KAT6B: variants seen among roughly 807,000 people sequenced by gnomAD.
The protein encoded by KAT6B is lysine acetyltransferase 6B.
In KAT6B, 10 loss-of-function variants were observed where a neutral mutation model predicts 187.5. That is an observed-to-expected ratio of 0.05 (90% confidence interval 0.03 to 0.09). The LOEUF (loss-of-function observed/expected upper bound fraction) is 0.09. KAT6B is among the 10% of genes least tolerant of loss of function. KAT6B has a pLI of 1.00. For missense variants in KAT6B, 1,952 were observed against 2,558.9 expected, an observed-to-expected ratio of 0.76 and a Z score of 5.12; for synonymous variants, 861 against 926.8, an observed-to-expected ratio of 0.93 and a Z score of 1.29.
intron 3 of KAT6B, among the ~76,000 whole-genome samples, chr10:74,916,414 C>T (rs754609877): frequency 2.0e-5 from 3 of 152,188 alleles, no homozygotes; most frequent in East Asian, 1.9e-4. Flanking sequence ...TATTCTGTAG[C>T]ATAATACAGT....
At chr10:74,831,748 T>A (rs1259724893) in intron 1 of KAT6B, among the ~76,000 whole-genome samples, 1 of 152,224 alleles carries the variant, frequency 6.6e-6, no homozygotes, top group Non-Finnish European at 1.5e-5. Flanking sequence ...TCCTTGCTGC[T>A]TTCATATTTG....
At chr10:75,021,363 C>T (rs188097109) in intron 15 of KAT6B, 78 bp downstream of exon 15, 29 of 1,483,030 alleles carry the variant, frequency 2.0e-5, no homozygotes, top group Admixed American at 1.5e-4. Context: ...TCATTAAGAT[C>T]GTTGTCAAAA....
In KAT6B at chr10:74,843,222, A is replaced by G. The variant is rs1287506606; in HGVS notation, c.365A>G (p.Asn122Ser). 5 of 1,614,144 alleles carry G rather than the reference A, an allele frequency of 3.1e-6. No homozygotes were observed. Among genetic ancestry groups the G allele is most frequent in the Admixed American group, 3.3e-5 (2 of 60,020 alleles). ...RRAIEGLEEP[N>S]GSSLKNIEKY... Reference sequence around the variant, plus strand: ...GCAATTGAAGGACTTGAGGAGCCGAATGGCTCCTCCCTGAAGAACATAGAG... The same window carrying G: ...GCAATTGAAGGACTTGAGGAGCCGAGTGGCTCCTCCCTGAAGAACATAGAG... The change falls in exon 3 of 18, where the codon AAT becomes AGT. Residue 122 changes from asparagine (N) to serine (S), a missense_variant. Transcript: ENST00000287239.
Position 75,021,114 on chromosome 10 carries a change from AT to A in KAT6B, c.2862-11del. 6.2e-7 allele frequency: 1 copy of A among 1,613,250 alleles called. No homozygotes were observed. Among genetic ancestry groups the A allele is most frequent in the Non-Finnish European group, 8.5e-7 (1 of 1,179,164 alleles). On this transcript the variant is annotated splice_polypyrimidine_tract_variant and intron_variant, in intron 14 of 17. Coordinates refer to ENST00000287239, the MANE Select transcript of KAT6B (RefSeq NM_012330.4). ...TTGTGATTACATCTTGTTCTGCCTT[AT>A]CACATTACAGATTTGTCATCATTAG...
chr10:74,899,875 TTTA>T (rs1846259355), intron 3 of KAT6B, among the ~76,000 whole-genome samples: 1 of 152,216 alleles, frequency 6.6e-6, no homozygotes, highest in South Asian at 2.1e-4. Context: ...TTAAGCAAAC[TTTA>T]TTGTTTTTAA....
chr10:74,842,558 G>T, intron 2 of KAT6B, 42 bp from the exon 3 acceptor site: 1 of 573,340 alleles, frequency 1.7e-6, no homozygotes, highest in South Asian at 2.4e-5. Context: ...ATTTGTGTAA[G>T]CTTCATTATT....
intron 3 of KAT6B, among the ~76,000 whole-genome samples, chr10:74,903,550 C>T (rs546481157): frequency 2.3e-4 from 35 of 152,328 alleles, no homozygotes; most frequent in African/African-American, 8.2e-4. Flanking sequence ...CTCAGTCCTA[C>T]AACCGCTAGG....
At chr10:75,012,408 C>G (rs1844670940) in intron 13 of KAT6B, among the ~76,000 whole-genome samples, 1 of 152,168 alleles carries the variant, frequency 6.6e-6, no homozygotes, top group South Asian at 2.1e-4. Context: ...GATCACACCA[C>G]TGCACTCCAG....
At chr10:74,834,275 G>A (rs1215545771) in intron 1 of KAT6B, among the ~76,000 whole-genome samples, 1 of 150,368 alleles carries the variant, frequency 6.7e-6, no homozygotes, top group Non-Finnish European at 1.5e-5. Context: ...TCGGCTCACT[G>A]CATCCACCAC....
At chr10:74,969,824 G>A (rs1229749794) in intron 5 of KAT6B, 49 bp downstream of exon 5, 3 of 1,333,230 alleles carry the variant, frequency 2.3e-6, no homozygotes, top group East Asian at 2.3e-5. Flanking sequence ...CTAATTTCCA[G>A]TGTTAAGGTG....
intron 3 of KAT6B, among the ~76,000 whole-genome samples, chr10:74,918,437 C>A (rs1360501737): frequency 1.3e-5 from 2 of 152,056 alleles, no homozygotes; most frequent in African/African-American, 4.8e-5. Context: ...ATGACTGGGT[C>A]TTGAAGGAGT....
chr10:74,865,973 A>G (rs907894729), intron 3 of KAT6B, among the ~76,000 whole-genome samples: 6 of 152,072 alleles, frequency 3.9e-5, no homozygotes, highest in Non-Finnish European at 8.8e-5. Flanking sequence ...AACCAAATCT[A>G]ATACAGTATT....
rs181861363 is a variant in KAT6B at position 74,871,489 on chromosome 10, A to G, written c.621+28011A>G. ...ATTACAGGCGTGAGCCACCATGCCT[A>G]GCCCTCATATGGTTTATGAGTACTT... On this transcript the variant is annotated intron_variant, in intron 3 of 17. Transcript: ENST00000287239. Among the ~76,000 whole-genome samples, 712 of 152,264 alleles carry G rather than the reference A, an allele frequency of 4.7e-3. 8 individuals are homozygous for G. The highest frequency in any genetic ancestry group is 0.016 in the African/African-American group (674 of 41,552).
chr10:74,932,678 G>A (rs961618108), intron 3 of KAT6B, among the ~76,000 whole-genome samples: 9 of 152,212 alleles, frequency 5.9e-5, no homozygotes, highest in African/African-American at 2.2e-4. Context: ...GCTACCCAGT[G>A]AGAAAAATAT....
rs536845817 is a variant in KAT6B at position 74,950,052 on chromosome 10, A to G, written c.622-9918A>G. On this transcript the variant is annotated intron_variant, in intron 3 of 17. Coordinates refer to ENST00000287239, the MANE Select transcript of KAT6B (RefSeq NM_012330.4). ...GATATAGTGCTCCCTCACAGAACCA[A>G]TTACCCACAGAGAAGTATAATGAGC... Among the ~76,000 whole-genome samples, 9 of 152,310 alleles carry G rather than the reference A, an allele frequency of 5.9e-5. No homozygotes were observed. The South Asian group carries it at 6.2e-4, about 11-fold the overall frequency.
intron 13 of KAT6B, among the ~76,000 whole-genome samples, chr10:75,012,382 G>C (rs950394334): frequency 6.6e-6 from 1 of 152,150 alleles, no homozygotes; most frequent in Non-Finnish European, 1.5e-5. Flanking sequence ...AGAAAGTTGA[G>C]GCTGCAGTGA....
At chr10:74,834,202 G>GT (rs779791101) in intron 1 of KAT6B, among the ~76,000 whole-genome samples, 1,456 of 140,856 alleles carry the variant, frequency 0.01, 15 homozygotes, top group East Asian at 0.052. Flanking sequence ...CTTTATTTCT[G>GT]TTTTTTTTTT....
In KAT6B at chr10:74,969,735, G is replaced by A; in HGVS notation, c.806G>A (p.Cys269Tyr). The A allele has an allele frequency of 6.2e-7, 1 of 1,614,060 alleles. No homozygotes were observed. Among genetic ancestry groups the A allele is most frequent in the South Asian group, 1.1e-5 (1 of 91,078 alleles). ...VKALRWQCIE[C>Y]KTCSACRVQG... ...GCCTTAAGGTGGCAGTGCATCGAATGCAAGACATGCAGTGCCTGTAGAGTC... is the reference window on the plus strand; with the variant it reads ...GCCTTAAGGTGGCAGTGCATCGAATACAAGACATGCAGTGCCTGTAGAGTC... The change falls in exon 5 of 18, where the codon TGC (cysteine) becomes TAC (tyrosine). Residue 269 changes from cysteine (C) to tyrosine (Y), a missense_variant. Physicochemically the swap from Cys to Tyr is radical, Grantham distance 194 (BLOSUM62 -2). Coordinates refer to ENST00000287239, the MANE Select transcript of KAT6B (RefSeq NM_012330.4).
chr10:75,006,064 A>C (rs1394413855), intron 13 of KAT6B, among the ~76,000 whole-genome samples: 2 of 152,158 alleles, frequency 1.3e-5, no homozygotes, highest in African/African-American at 4.8e-5. Context: ...TTTTGGGGGC[A>C]AATACAGTCA....
Sources: gnomAD v4.1 joint callset for allele counts (sites outside exome capture counted in the v4.1 genomes callset) on GRCh38, gnomAD v4.1.1 for gene constraint, MANE v1.5 for transcripts, NCBI Gene and HGNC (gene_info 2026-07-23, HGNC 2026-07-21) for gene names.